ANK2: variants seen among roughly 807,000 people sequenced by gnomAD.
ANK2 encodes the protein ankyrin 2.
ANK2 carries 83 observed loss-of-function variants against 360.5 expected under a neutral mutation model. That is an observed-to-expected ratio of 0.23 (90% CI 0.19 to 0.28). The LOEUF (loss-of-function observed/expected upper bound fraction) is 0.28, where lower values mean the gene tolerates loss of function less well. ANK2 is among the 10% of genes least tolerant of loss of function. The pLI is 1.00. For synonymous variants in ANK2, 1,740 were observed against 1,759.5 expected (o/e 0.99, Z 0.28); for missense variants, 4,201 against 4,795.7 (o/e 0.88, Z 3.66).
At chr4:113,170,470 A>T (rs2097904830) in intron 1 of ANK2, among the ~76,000 whole-genome samples, 2 of 152,212 alleles carry the variant, frequency 1.3e-5, no homozygotes, top group African/African-American at 4.8e-5. Flanking sequence ...ACTGAGTTAT[A>T]AACACAAAGA....
chr4:112,730,862 C>T, the ANK2 span, among the ~76,000 whole-genome samples: 1 of 150,128 alleles, frequency 6.7e-6, no homozygotes, highest in Non-Finnish European at 1.5e-5. Context: ...AAAAAAAGAG[C>T]AGGCGCGGTG....
chr4:113,042,272 C>A (rs1259176823), intron 2 of ANK2, among the ~76,000 whole-genome samples: 1 of 152,154 alleles, frequency 6.6e-6, no homozygotes, highest in East Asian at 1.9e-4. Context: ...ACACCAGCCT[C>A]TCCACCCTCA....
intron 1 of ANK2, among the ~76,000 whole-genome samples, chr4:112,825,713 T>G (rs2058283147): frequency 6.6e-6 from 1 of 152,192 alleles, no homozygotes; most frequent in Non-Finnish European, 1.5e-5. Flanking sequence ...ATAAGAGCCT[T>G]CAGAAATGAA....
At chr4:112,752,119 C>T in the ANK2 span, among the ~76,000 whole-genome samples, 13 of 152,158 alleles carry the variant, frequency 8.5e-5, no homozygotes, top group African/African-American at 2.4e-4. Context: ...ATGAGAAATT[C>T]AAGGGAGCAG....
At chr4:112,874,858 G>A (rs958183515) in intron 1 of ANK2, among the ~76,000 whole-genome samples, 1 of 152,084 alleles carries the variant, frequency 6.6e-6, no homozygotes, top group African/African-American at 2.4e-5. Flanking sequence ...CATCCCCGGG[G>A]CGTAGAGCAA....
chr4:113,342,708 A>C (rs1191308725), intron 33 of ANK2, among the ~76,000 whole-genome samples: 4 of 152,178 alleles, frequency 2.6e-5, no homozygotes, highest in African/African-American at 9.7e-5. Context: ...TCAAAAAAAA[A>C]AAAAAATTAC....
the ANK2 span, among the ~76,000 whole-genome samples, chr4:112,809,960 TAGAG>T: frequency 1.3e-5 from 2 of 151,576 alleles, no homozygotes; most frequent in Non-Finnish European, 2.9e-5. Flanking sequence ...TTAAAATAAA[TAGAG>T]AGTATAACAA....
At chr4:112,982,075 A>T (rs1354013634) in intron 2 of ANK2, among the ~76,000 whole-genome samples, 3 of 152,170 alleles carry the variant, frequency 2.0e-5, no homozygotes, top group Non-Finnish European at 4.4e-5. Context: ...TTAAATGTTT[A>T]AAAAAAGCTT....
intron 10 of ANK2, among the ~76,000 whole-genome samples, chr4:113,252,324 A>G (rs1586182253): frequency 6.6e-6 from 1 of 152,168 alleles, no homozygotes; most frequent in South Asian, 2.1e-4. Flanking sequence ...GCTGCAATTC[A>G]AGATGAGATT....
the ANK2 span, among the ~76,000 whole-genome samples, chr4:112,749,243 C>T: frequency 1.3e-5 from 2 of 152,188 alleles, no homozygotes; most frequent in Non-Finnish European, 2.9e-5. Context: ...ATGCATCCTT[C>T]TATGCTACCT....
chr4:113,001,835 G>A (rs955721139), intron 2 of ANK2, among the ~76,000 whole-genome samples: 8 of 152,066 alleles, frequency 5.3e-5, no homozygotes, highest in African/African-American at 1.2e-4. Flanking sequence ...TTTTGATTAT[G>A]ACAGCGAATC....
chr4:112,885,838 C>T (rs550843958), intron 1 of ANK2, among the ~76,000 whole-genome samples: 46 of 148,294 alleles, frequency 3.1e-4, no homozygotes, highest in African/African-American at 1.1e-3. Context: ...AAATAAGCAG[C>T]GCAACCTTCC....
the ANK2 span, among the ~76,000 whole-genome samples, chr4:112,760,227 T>C: frequency 6.7e-6 from 1 of 150,168 alleles, no homozygotes; most frequent in African/African-American, 2.5e-5. Context: ...CGCTCTGTTG[T>C]CCGGGCTGGA....
Position 113,233,104 on chromosome 4 carries a change from C to CTTTTTTTTTTTTTTT in ANK2, c.483+846_483+847insTTTTTTTTTTTTTTT, listed in dbSNP as rs1563056547. On this transcript the variant is annotated intron_variant, in intron 5 of 45. Transcript: ENST00000357077. ...ACCAGAGTATATGGGCTTGGCTTTT[C>CTTTTTTTTTTTTTTT]TGTTTTTTTTTTTTTTTTTTTTTTT... Among the ~76,000 whole-genome samples the CTTTTTTTTTTTTTTT allele has an allele frequency of 6.8e-5, 2 of 29,296 alleles. 1 individual carries two copies. Among genetic ancestry groups the CTTTTTTTTTTTTTTT allele is most frequent in the African/African-American group, 2.8e-4 (2 of 7,106 alleles). The allele number at this position is 29,296 out of a possible 152,430, so 19.2% of individuals were successfully genotyped here.
chr4:113,199,926 T>C (rs188768042), intron 4 of ANK2, among the ~76,000 whole-genome samples: 103 of 152,318 alleles, frequency 6.8e-4, no homozygotes, highest in Middle Eastern at 3.4e-3. Context: ...GAATATGTAT[T>C]AACTGTATAG....
chr4:113,285,140 GTTT>G lies in ANK2; in HGVS notation c.2079+2280_2079+2282del, dbSNP rs140312322. Among the ~76,000 whole-genome samples the G allele has an allele frequency of 1.9e-3, 285 of 148,950 alleles. 2 individuals carry two copies. Among genetic ancestry groups the G allele is most frequent in the East Asian group, 6.1e-3 (31 of 5,078 alleles). ...TCTATTTTCTTGATTTATTAGAAAA[GTTT>G]TTTTTTTTTTTCCAGAAACCTTTCA... On this transcript the variant is annotated intron_variant, in intron 18 of 45. Transcript: ENST00000357077.
intron 1 of ANK2, among the ~76,000 whole-genome samples, chr4:113,139,164 C>A (rs2096550114): frequency 6.6e-6 from 1 of 152,126 alleles, no homozygotes; most frequent in Non-Finnish European, 1.5e-5. Context: ...ACATATAGAA[C>A]CTAGCCAGGC....
At chr4:112,828,940 G>C (rs928402607) in intron 1 of ANK2, among the ~76,000 whole-genome samples, 1 of 152,184 alleles carries the variant, frequency 6.6e-6, no homozygotes, top group African/African-American at 2.4e-5. Context: ...GATCACTTGA[G>C]GCCAGGAGTT....
At chr4:112,775,515 T>TCACACACACACACACACACACACA in the ANK2 span, among the ~76,000 whole-genome samples, 6,470 of 117,882 alleles carry the variant, frequency 0.055, 351 homozygotes, top group Middle Eastern at 0.095. Context: ...CTAAGCTCCA[T>TCACACACACACACACACACACACA]CACACACACA....
Sources: allele counts gnomAD v4.1 joint callset (sites outside exome capture counted in the v4.1 genomes callset), GRCh38; gene constraint gnomAD v4.1.1; transcripts MANE v1.5; gene names NCBI Gene and HGNC (gene_info 2026-07-23, HGNC 2026-07-21).